The following UTS2B variants were observed in gnomAD, a reference collection of about 807,000 sequenced individuals.
UTS2B encodes the protein urotensin-2B.
In UTS2B, 21 loss-of-function variants were observed where a neutral mutation model predicts 19.2. The observed-to-expected ratio is 1.09, with a 90% CI of 0.78 to 1.58. The LOEUF (loss-of-function observed/expected upper bound fraction) is 1.58. Among genes scored for constraint, UTS2B ranks in the 40% most tolerant of loss-of-function variants. The pLI is 0.00. For missense variants in UTS2B, 138 were observed against 130.3 expected (o/e 1.06, Z -0.29); for synonymous variants, 57 against 50.2 (o/e 1.14, Z -0.58).
chr3:191,319,282 C>T (rs1333395455), intron 2 of UTS2B, among the ~76,000 whole-genome samples: 3 of 152,188 alleles, frequency 2.0e-5, no homozygotes, highest in African/African-American at 2.4e-5. Context: ...CATTGTCTCT[C>T]GCCTACACCC....
intron 4 of UTS2B, among the ~76,000 whole-genome samples, chr3:191,290,546 AC>A (rs1470560865): frequency 1.3e-5 from 2 of 152,218 alleles, no homozygotes; most frequent in Non-Finnish European, 2.9e-5. Flanking sequence ...TACATGCTTA[AC>A]CCACATGATC....
At chr3:191,302,175 G>A (rs1717022605) in intron 4 of UTS2B, among the ~76,000 whole-genome samples, 1 of 152,146 alleles carries the variant, frequency 6.6e-6, no homozygotes, top group African/African-American at 2.4e-5. Context: ...CATCCTCACT[G>A]CCCATTGTAA....
At chr3:191,280,377 G>A (rs1234977259) in intron 5 of UTS2B, among the ~76,000 whole-genome samples, 1 of 152,068 alleles carries the variant, frequency 6.6e-6, no homozygotes, top group Non-Finnish European at 1.5e-5. Context: ...GTCTTGGAGA[G>A]TTCTAACACA....
chr3:191,312,261 G>A (rs915218024), intron 3 of UTS2B, among the ~76,000 whole-genome samples: 4 of 151,368 alleles, frequency 2.6e-5, no homozygotes, highest in Non-Finnish European at 4.4e-5. Flanking sequence ...CCCTACTCAG[G>A]TTGTATTAAA....
intron 4 of UTS2B, among the ~76,000 whole-genome samples, chr3:191,293,704 G>A (rs1039015460): frequency 6.6e-6 from 1 of 151,930 alleles, no homozygotes; most frequent in Non-Finnish European, 1.5e-5. Context: ...GGATGAGCAT[G>A]GCAGCAGGAA....
At chr3:191,341,808 C>G in the UTS2B span, among the ~76,000 whole-genome samples, 4 of 152,230 alleles carry the variant, frequency 2.6e-5, no homozygotes, top group Non-Finnish European at 5.9e-5. Flanking sequence ...GTGTAACTCC[C>G]TGTTACTTGT....
At chr3:191,279,245 C>T (rs1434018362) in intron 5 of UTS2B, among the ~76,000 whole-genome samples, 1 of 151,988 alleles carries the variant, frequency 6.6e-6, no homozygotes, top group East Asian at 1.9e-4. Context: ...TTCTTTGCTT[C>T]ATACACATAA....
chr3:191,309,420 G>T (rs904523666), intron 3 of UTS2B, among the ~76,000 whole-genome samples: 1 of 151,912 alleles, frequency 6.6e-6, no homozygotes, highest in African/African-American at 2.4e-5. Flanking sequence ...TGATCTGCCC[G>T]CCTCAGCCTC....
intron 5 of UTS2B, among the ~76,000 whole-genome samples, chr3:191,279,389 TTTTTA>T (rs1357246467): frequency 6.6e-6 from 1 of 152,056 alleles, no homozygotes; most frequent in Non-Finnish European, 1.5e-5. Context: ...AATAATGTAA[TTTTTA>T]TTTTAATCAT....
chr3:191,279,802 A>G (rs1716334604), intron 5 of UTS2B, among the ~76,000 whole-genome samples: 1 of 152,122 alleles, frequency 6.6e-6, no homozygotes, highest in Non-Finnish European at 1.5e-5. Flanking sequence ...TTCTCAAGGA[A>G]TTTTAAAAAG....
At chr3:191,336,676 T>C in the UTS2B span, among the ~76,000 whole-genome samples, 1 of 152,216 alleles carries the variant, frequency 6.6e-6, no homozygotes, top group East Asian at 1.9e-4. Context: ...ATTAGCTAAA[T>C]CTCTTAGAGA....
chr3:191,331,832 G>C (rs192386677), upstream of UTS2B, among the ~76,000 whole-genome samples: 14 of 152,288 alleles, frequency 9.2e-5, no homozygotes, highest in East Asian at 2.7e-3. Flanking sequence ...TTGTGCCCCT[G>C]ATAGGGTAAA....
At position 191,271,118 on chromosome 3, in the gene UTS2B, C is replaced by T. The variant is rs75441852; in HGVS notation, c.335-2677G>A. Among the ~76,000 whole-genome samples, 519 of 146,002 alleles carry T rather than the reference C, an allele frequency of 3.6e-3. 15 individuals carry two copies. The East Asian group carries it at 0.066, about 18-fold the overall frequency. Reference sequence around the variant, plus strand: ...ACTTGGGTGGCTGAGGCAGAAGAATCGCTTGAACACGGGAGGCAGAGGTTG... The same window carrying T: ...ACTTGGGTGGCTGAGGCAGAAGAATTGCTTGAACACGGGAGGCAGAGGTTG... On this transcript the variant is annotated intron_variant, in intron 8 of 8. Transcript: ENST00000340524.
At chr3:191,282,379 A>G in intron 4 of UTS2B, 66 bp from the exon 5 acceptor site, 2 of 518,272 alleles carry the variant, frequency 3.9e-6, no homozygotes, top group East Asian at 3.1e-5. Context: ...AGTAGTTAAC[A>G]TGATTCACTA....
intron 4 of UTS2B, among the ~76,000 whole-genome samples, chr3:191,287,945 TG>T: frequency 6.6e-6 from 1 of 152,116 alleles, no homozygotes; most frequent in South Asian, 2.1e-4. Context: ...TCATTAAAGT[TG>T]CAGGATACAA....
At chr3:191,288,926 A>G (rs1716630423) in intron 4 of UTS2B, among the ~76,000 whole-genome samples, 1 of 152,016 alleles carries the variant, frequency 6.6e-6, no homozygotes, top group African/African-American at 2.4e-5. Flanking sequence ...AAGCAAAAAC[A>G]AACGAGATTA....
chr3:191,289,784 T>C (rs1368131317), intron 4 of UTS2B, among the ~76,000 whole-genome samples: 1 of 152,164 alleles, frequency 6.6e-6, no homozygotes, highest in Non-Finnish European at 1.5e-5. Flanking sequence ...TACCAGGAGC[T>C]TGGGTTGTGG....
At chr3:191,300,917 T>G (rs930020418) in intron 4 of UTS2B, among the ~76,000 whole-genome samples, 1 of 152,246 alleles carries the variant, frequency 6.6e-6, no homozygotes, top group Non-Finnish European at 1.5e-5. Context: ...ATACAATAAG[T>G]AAACCTCTTT....
chr3:191,340,700 C>A, the UTS2B span, among the ~76,000 whole-genome samples: 1 of 152,162 alleles, frequency 6.6e-6, no homozygotes, highest in Non-Finnish European at 1.5e-5. Context: ...TCTGATTTCC[C>A]CTTAACTCAG....
Sources: gnomAD v4.1 joint callset for allele counts (sites outside exome capture counted in the v4.1 genomes callset) on GRCh38, gnomAD v4.1.1 for gene constraint, MANE v1.5 for transcripts, NCBI Gene and HGNC (gene_info 2026-07-23, HGNC 2026-07-21) for gene names.